FAM81B: variants seen among roughly 807,000 people sequenced by gnomAD.
FAM81B encodes protein FAM81B.
FAM81B carries 60 observed loss-of-function variants against 58.7 expected under a neutral mutation model. The observed-to-expected ratio is 1.02, with a 90% CI of 0.83 to 1.27. The LOEUF is 1.27. Among genes scored for constraint, FAM81B ranks in the 50% most tolerant of loss-of-function variants. The pLI is 0.00. For missense variants in FAM81B, 491 were observed against 522.0 expected, an observed-to-expected ratio of 0.94 and a Z score of 0.58; for synonymous variants, 189 against 179.6, an observed-to-expected ratio of 1.05 and a Z score of -0.42.
At chr5:95,413,925 T>C (rs754018967) in intron 3 of FAM81B, 22 bp from the exon 4 acceptor site, 1 of 1,598,932 alleles carries the variant, frequency 6.3e-7, no homozygotes, top group Non-Finnish European at 8.5e-7. Context: ...CCCTGGTGTT[T>C]CCTTTTCCTT....
chr5:95,395,848 T>G (rs1176675255), intron 2 of FAM81B, among the ~76,000 whole-genome samples: 1 of 152,220 alleles, frequency 6.6e-6, no homozygotes, highest in African/African-American at 2.4e-5. Flanking sequence ...CTAAGAATAA[T>G]CTATGGCTTT....
chr5:95,434,479 T>G (rs1412518985), intron 6 of FAM81B, among the ~76,000 whole-genome samples: 1 of 152,210 alleles, frequency 6.6e-6, no homozygotes, highest in Non-Finnish European at 1.5e-5. Context: ...TTCTCTGCTT[T>G]TAGGAGCCCT....
At chr5:95,419,186 C>T (rs1264506500) in intron 4 of FAM81B, among the ~76,000 whole-genome samples, 12 of 152,152 alleles carry the variant, frequency 7.9e-5, no homozygotes, top group Non-Finnish European at 1.8e-4. Flanking sequence ...TCAATTAAGG[C>T]TTCATTTGCC....
intron 5 of FAM81B, chr5:95,424,332 T>TAAGC: frequency 1.1e-6 from 1 of 925,886 alleles, no homozygotes; most frequent in Middle Eastern, 4.2e-4. Flanking sequence ...ACATAAAACA[T>TAAGC]AAGCAAAAGA....
chr5:95,412,779 A>G (rs1221013027), intron 3 of FAM81B, among the ~76,000 whole-genome samples: 6 of 152,208 alleles, frequency 3.9e-5, no homozygotes, highest in Non-Finnish European at 8.8e-5. Context: ...TATATAAAGA[A>G]GCAGGTAAGT....
intron 3 of FAM81B, among the ~76,000 whole-genome samples, chr5:95,404,621 G>T (rs34411645): frequency 0.26 from 40,074 of 151,250 alleles, 5,470 homozygotes; most frequent in Middle Eastern, 0.29. Flanking sequence ...ACTTTTTTTT[G>T]GTCCAGTTTT....
Position 95,429,384 on chromosome 5 carries a change from GT to G in FAM81B, c.786+653del, listed in dbSNP as rs377576435. 3.3e-3 allele frequency among the ~76,000 whole-genome samples: 501 copies of G among 152,286 alleles called. 4 individuals are homozygous for G. The highest frequency in any genetic ancestry group is 0.012 in the African/African-American group (488 of 41,550). On this transcript the variant is annotated intron_variant, in intron 6 of 9. Coordinates refer to ENST00000283357, the MANE Select transcript of FAM81B (RefSeq NM_152548.3). ...AGTGGAGCCCAATGCAAAGTTTTCT[GT>G]GCTCCACTTTGTCACATCTTATGCA... is the stretch of plus-strand genomic sequence containing the variant.
rs536775072 is a variant in FAM81B, at chr5:95,399,755, GA to G, written c.293+3581del. ...TCTGGGCCTCTGAGAAGACCCTTAG[GA>G]CTCCGAGGAGAGATGGGAGCCAGGC... On this transcript the variant is annotated intron_variant, in intron 3 of 9. Transcript: ENST00000283357. Among the ~76,000 whole-genome samples the G allele has an allele frequency of 2.0e-5, 3 of 152,300 alleles. No homozygotes were observed. In the South Asian group the frequency reaches 6.2e-4, roughly 32 times the overall value.
chr5:95,424,032 A>C (rs1385592787), intron 5 of FAM81B: 1 of 1,289,390 alleles, frequency 7.8e-7, no homozygotes, highest in Admixed American at 2.3e-5. Context: ...CGTGTTCTTT[A>C]TCATTTCTAT....
chr5:95,398,583 G>A (rs1376206158), intron 3 of FAM81B, among the ~76,000 whole-genome samples: 1 of 152,130 alleles, frequency 6.6e-6, no homozygotes, highest in African/African-American at 2.4e-5. Flanking sequence ...GGTTTTCAGA[G>A]GTTTGGCCTT....
intron 3 of FAM81B, among the ~76,000 whole-genome samples, chr5:95,408,877 C>T (rs892399465): frequency 9.9e-5 from 15 of 152,148 alleles, no homozygotes; most frequent in Non-Finnish European, 2.1e-4. Context: ...TGCTCAGTGA[C>T]GTTTTCTTCC....
intron 4 of FAM81B, 96 bp from the exon 5 acceptor site, chr5:95,420,188 T>A: frequency 6.7e-7 from 1 of 1,497,324 alleles, no homozygotes; most frequent in South Asian, 1.2e-5. Flanking sequence ...TCAGCCTAAT[T>A]ACAAAATGCA....
intron 3 of FAM81B, among the ~76,000 whole-genome samples, chr5:95,400,254 A>T (rs1215561964): frequency 1.3e-5 from 2 of 152,174 alleles, no homozygotes; most frequent in Non-Finnish European, 2.9e-5. Flanking sequence ...GAGGGCTCCA[A>T]GGGGAACCTG....
chr5:95,446,493 C>T, intron 7 of FAM81B, 69 bp from the exon 8 acceptor site: 1 of 1,411,148 alleles, frequency 7.1e-7, no homozygotes, highest in Non-Finnish European at 9.5e-7. Context: ...AAACTGCAGA[C>T]TTTTTCAATA....
intron 3 of FAM81B, among the ~76,000 whole-genome samples, chr5:95,398,127 T>G (rs1762009462): frequency 6.6e-6 from 1 of 152,188 alleles, no homozygotes; most frequent in Non-Finnish European, 1.5e-5. Context: ...GTTTTTAAAA[T>G]AACTTCACTG....
intron 9 of FAM81B, 70 bp from the exon 10 acceptor site, chr5:95,450,079 A>C (rs1045476871): frequency 6.6e-7 from 1 of 1,516,666 alleles, no homozygotes; most frequent in Non-Finnish European, 8.8e-7. Flanking sequence ...AGGACTGCCG[A>C]TTAGCAACTT....
At chr5:95,391,965 C>T (rs1464697917) in intron 1 of FAM81B, among the ~76,000 whole-genome samples, 1 of 152,104 alleles carries the variant, frequency 6.6e-6, no homozygotes, top group Non-Finnish European at 1.5e-5. Flanking sequence ...GGATCTAGAA[C>T]TAGAAATACC....
intron 6 of FAM81B, among the ~76,000 whole-genome samples, chr5:95,432,406 GTTTTCTTAT>G (rs1744939220): frequency 6.6e-6 from 1 of 151,970 alleles, no homozygotes; most frequent in African/African-American, 2.4e-5. Context: ...AAATTTGAAA[GTTTTCTTAT>G]TTTTCTATGT....
At chr5:95,419,396 G>A (rs774438519) in intron 4 of FAM81B, among the ~76,000 whole-genome samples, 10 of 152,036 alleles carry the variant, frequency 6.6e-5, no homozygotes, top group Non-Finnish European at 1.5e-4. Flanking sequence ...GTTTTTCAAA[G>A]GCCTACACAG....
Sources: gnomAD v4.1 joint callset for allele counts (sites outside exome capture counted in the v4.1 genomes callset) on GRCh38, gnomAD v4.1.1 for gene constraint, MANE v1.5 for transcripts, NCBI Gene and HGNC (gene_info 2026-07-23, HGNC 2026-07-21) for gene names.